Variants in CLYBL observed in about 807,000 individuals in gnomAD.
The protein encoded by CLYBL is citramalyl-CoA lyase, mitochondrial.
A neutral mutation model predicts 38.9 loss-of-function variants in CLYBL; 31 were observed. The ratio of observed to expected loss-of-function variants is 0.80; its 90% CI spans 0.60 to 1.08. The LOEUF (loss-of-function observed/expected upper bound fraction) is 1.08. Ranked by LOEUF, CLYBL falls within the 50% of genes least tolerant of loss-of-function variation. The pLI is 0.00. For missense variants in CLYBL, 434 were observed against 411.6 expected, an observed-to-expected ratio of 1.05 and a Z score of -0.47; for synonymous variants, 171 against 158.6, an observed-to-expected ratio of 1.08 and a Z score of -0.59.
intron 1 of CLYBL, among the ~76,000 whole-genome samples, chr13:99,734,856 A>G (rs1210042088): frequency 6.6e-6 from 1 of 152,202 alleles, no homozygotes; most frequent in African/African-American, 2.4e-5. Context: ...TCTTCTCACA[A>G]GTAGAACTAT....
intron 2 of CLYBL, among the ~76,000 whole-genome samples, chr13:99,826,264 A>T (rs906918394): frequency 6.6e-6 from 1 of 152,190 alleles, no homozygotes; most frequent in East Asian, 1.9e-4. Context: ...TCCTCTGATT[A>T]GTTGAAGGTC....
intron 2 of CLYBL, among the ~76,000 whole-genome samples, chr13:99,809,398 C>T (rs1253175821): frequency 6.6e-6 from 1 of 152,170 alleles, no homozygotes; most frequent in African/African-American, 2.4e-5. Flanking sequence ...ATGGTGGGCT[C>T]AAGGTTCTAT....
intron 1 of CLYBL, among the ~76,000 whole-genome samples, chr13:99,691,972 C>T (rs2047909576): frequency 6.6e-6 from 1 of 152,216 alleles, no homozygotes; most frequent in African/African-American, 2.4e-5. Context: ...TCAGACTGAT[C>T]TTTCTGTGGA....
At chr13:99,628,297 A>C (rs1232331340) in intron 1 of CLYBL, among the ~76,000 whole-genome samples, 1 of 152,254 alleles carries the variant, frequency 6.6e-6, no homozygotes, top group African/African-American at 2.4e-5. Context: ...GAATTTAGGA[A>C]GTGAATTCAC....
intron 5 of CLYBL, 86 bp from the exon 6 acceptor site, chr13:99,866,154 C>T: frequency 7.8e-7 from 1 of 1,287,026 alleles, no homozygotes; most frequent in Non-Finnish European, 1.1e-6. Flanking sequence ...GTTTAGATAT[C>T]TGTACAAACT....
intron 2 of CLYBL, among the ~76,000 whole-genome samples, chr13:99,776,758 C>A (rs573573659): frequency 6.6e-6 from 1 of 152,000 alleles, no homozygotes; most frequent in African/African-American, 2.4e-5. Context: ...TGAACAGAGA[C>A]GTATATAGTG....
chr13:99,877,374 C>T (rs533791695), intron 7 of CLYBL, among the ~76,000 whole-genome samples: 56 of 152,078 alleles, frequency 3.7e-4, no homozygotes, highest in African/African-American at 1.3e-3. Context: ...GTGTATCTTT[C>T]TGTTCCACCC....
At position 99,662,117 on chromosome 13, in the gene CLYBL, T is replaced by C. The variant is rs561961735; in HGVS notation, c.62+55360T>C. Among the ~76,000 whole-genome samples, 70 of 152,348 alleles carry C rather than the reference T, an allele frequency of 4.6e-4. 1 individual carries two copies. Among genetic ancestry groups the C allele is most frequent in the African/African-American group, 1.6e-3 (68 of 41,594 alleles). On this transcript the variant is annotated intron_variant, in intron 1 of 8. Transcript: ENST00000339105. ...GTTGACCCCCTTGGCTCCCTGACCT[T>C]TCCTTGCTATTTTGTCCCTTTAAAG...
At chr13:99,788,243 A>C (rs1216124269) in intron 2 of CLYBL, among the ~76,000 whole-genome samples, 1 of 152,188 alleles carries the variant, frequency 6.6e-6, no homozygotes, top group African/African-American at 2.4e-5. Context: ...TATGTTGAAT[A>C]GGAGTGGTGA....
intron 2 of CLYBL, among the ~76,000 whole-genome samples, chr13:99,831,772 C>A (rs1444985032): frequency 1.3e-5 from 2 of 151,256 alleles, no homozygotes; most frequent in African/African-American, 2.4e-5. Context: ...AAAAAGGGGC[C>A]CCATTTTGAT....
chr13:99,871,917 A>AT (rs1275759580), intron 7 of CLYBL, among the ~76,000 whole-genome samples: 3 of 152,044 alleles, frequency 2.0e-5, no homozygotes, highest in Non-Finnish European at 4.4e-5. Context: ...TTTGATACCT[A>AT]TAATGCAAAA....
intron 1 of CLYBL, among the ~76,000 whole-genome samples, chr13:99,767,343 T>A (rs1304471686): frequency 6.6e-6 from 1 of 152,204 alleles, no homozygotes; most frequent in Non-Finnish European, 1.5e-5. Context: ...GGGTGGGTAC[T>A]AAAGCCAGCT....
chr13:99,703,517 A>C (rs933265977), intron 1 of CLYBL, among the ~76,000 whole-genome samples: 23 of 151,974 alleles, frequency 1.5e-4, no homozygotes, highest in Non-Finnish European at 8.8e-5. Context: ...CTATAGGCAC[A>C]TGCCACCATG....
At chr13:99,722,417 CT>C (rs5806134) in intron 1 of CLYBL, among the ~76,000 whole-genome samples, 417 of 146,652 alleles carry the variant, frequency 2.8e-3, no homozygotes, top group African/African-American at 6.7e-3. Flanking sequence ...CGCATGAAAC[CT>C]TTTTTTTTTT....
At chr13:99,836,955 G>C (rs184021709) in intron 2 of CLYBL, among the ~76,000 whole-genome samples, 3 of 152,098 alleles carry the variant, frequency 2.0e-5, no homozygotes, top group African/African-American at 7.2e-5. Flanking sequence ...CAAGTTAATG[G>C]GTGCAGCACA....
intron 1 of CLYBL, among the ~76,000 whole-genome samples, chr13:99,772,053 T>C (rs1206807417): frequency 1.3e-5 from 2 of 152,176 alleles, no homozygotes; most frequent in African/African-American, 4.8e-5. Context: ...GAATCACCAA[T>C]TTTCACCCTT....
chr13:99,832,903 A>G (rs2050835117), intron 2 of CLYBL, among the ~76,000 whole-genome samples: 1 of 149,578 alleles, frequency 6.7e-6, no homozygotes, highest in Non-Finnish European at 1.5e-5. Context: ...AAAAAAACCC[A>G]AAAGAATTCA....
At chr13:99,746,709 T>C (rs1467951673) in intron 1 of CLYBL, among the ~76,000 whole-genome samples, 1 of 152,212 alleles carries the variant, frequency 6.6e-6, no homozygotes, top group Non-Finnish European at 1.5e-5. Flanking sequence ...GTGTCCTTTC[T>C]GTTTTAATTA....
intron 7 of CLYBL, among the ~76,000 whole-genome samples, chr13:99,887,812 G>C (rs1389551989): frequency 6.6e-6 from 1 of 152,076 alleles, no homozygotes; most frequent in Non-Finnish European, 1.5e-5. Context: ...GGGGGACATG[G>C]AAATGGAGAA....
Sources: allele counts gnomAD v4.1 joint callset (sites outside exome capture counted in the v4.1 genomes callset), GRCh38; gene constraint gnomAD v4.1.1; transcripts MANE v1.5; gene names NCBI Gene and HGNC (gene_info 2026-07-23, HGNC 2026-07-21).